GRID2: variants seen among roughly 807,000 people sequenced by gnomAD.
GRID2 encodes the protein glutamate ionotropic receptor delta type subunit 2, also known as glutamate receptor ionotropic, delta-2.
A neutral mutation model predicts 114.8 loss-of-function variants in GRID2; 33 were observed. The observed-to-expected ratio is 0.29, with a 90% CI of 0.22 to 0.38. The LOEUF (loss-of-function observed/expected upper bound fraction) is 0.38. Among genes scored for constraint, GRID2 ranks in the 10% least tolerant of loss-of-function variants. GRID2 has a pLI of 1.00. For synonymous variants in GRID2, 505 were observed against 449.9 expected (o/e 1.12, Z -1.55); for missense variants, 1,184 against 1,257.7 (o/e 0.94, Z 0.89).
At chr4:93,246,663 T>C (rs1270215627) in intron 8 of GRID2, among the ~76,000 whole-genome samples, 1 of 152,090 alleles carries the variant, frequency 6.6e-6, no homozygotes, top group Non-Finnish European at 1.5e-5. Context: ...CTTTTATTTC[T>C]TTATCCCATT....
At chr4:92,511,573 T>A (rs1268337175) in intron 1 of GRID2, among the ~76,000 whole-genome samples, 1 of 151,852 alleles carries the variant, frequency 6.6e-6, no homozygotes, top group African/African-American at 2.4e-5. Context: ...CAAGTGACAT[T>A]TCAAGTATGA....
intron 2 of GRID2, among the ~76,000 whole-genome samples, chr4:92,892,401 A>G (rs1157010179): frequency 6.6e-6 from 1 of 152,048 alleles, no homozygotes; most frequent in East Asian, 1.9e-4. Context: ...TTCATTGTTA[A>G]AAAAAATTGA....
intron 2 of GRID2, among the ~76,000 whole-genome samples, chr4:92,893,024 A>G (rs949667541): frequency 6.6e-6 from 1 of 152,238 alleles, no homozygotes; most frequent in Non-Finnish European, 1.5e-5. Context: ...AATATTAATC[A>G]AAATAACCAA....
intron 4 of GRID2, among the ~76,000 whole-genome samples, chr4:93,181,189 TCTC>T (rs1739862400): frequency 6.6e-6 from 1 of 152,148 alleles, no homozygotes; most frequent in African/African-American, 2.4e-5. Flanking sequence ...ACAACATTAA[TCTC>T]CTTGTACATC....
At chr4:92,448,681 A>AT (rs1462307676) in intron 1 of GRID2, among the ~76,000 whole-genome samples, 1 of 150,862 alleles carries the variant, frequency 6.6e-6, no homozygotes, top group African/African-American at 2.5e-5. Context: ...ATTTATGAAA[A>AT]TTTTATTTTT....
At position 92,740,751 on chromosome 4, in the gene GRID2, G is replaced by C. The variant is rs528437017; in HGVS notation, c.244+150465G>C. On this transcript the variant is annotated intron_variant, in intron 2 of 15. Transcript: ENST00000282020. ...AGATAGATAGATAGATGGATAGATA[G>C]ATAGACAGATAGATAGATAGAGTTT... Among the ~76,000 whole-genome samples the C allele has an allele frequency of 6.8e-5, 10 of 147,388 alleles. No homozygotes were observed. The East Asian group carries it at 1.6e-3, about 23-fold the overall frequency.
At chr4:93,361,078 A>G (rs972720529) in intron 8 of GRID2, among the ~76,000 whole-genome samples, 6 of 152,120 alleles carry the variant, frequency 3.9e-5, no homozygotes, top group African/African-American at 1.4e-4. Context: ...TTTCATTACA[A>G]TAGGTAACAC....
intron 13 of GRID2, among the ~76,000 whole-genome samples, chr4:93,619,733 T>C (rs2149680745): frequency 6.6e-6 from 1 of 152,358 alleles, no homozygotes; most frequent in East Asian, 1.9e-4. Flanking sequence ...TTTTTTCCAA[T>C]GATCTTGAGA....
At chr4:93,478,656 A>G (rs948115780) in intron 11 of GRID2, among the ~76,000 whole-genome samples, 3 of 151,822 alleles carry the variant, frequency 2.0e-5, no homozygotes, top group African/African-American at 7.2e-5. Context: ...TTAAGTATAA[A>G]CATTTTATAT....
rs765583293 is a variant in GRID2 at position 93,772,178 on chromosome 4, T to A, written c.2704T>A (p.Leu902Met). ...ACAGTTTTCCACCTCGTCAATTGATTTGACCCCTCTGGACATTGACACTTT... is the reference window on the plus strand; with the variant it reads ...ACAGTTTTCCACCTCGTCAATTGATATGACCCCTCTGGACATTGACACTTT... ...HKQFSTSSID[L>M]TPLDIDTLPT... The change falls in exon 16 of 16, where the codon TTG (leucine) becomes ATG (methionine). Residue 902 changes from leucine (L) to methionine (M), a missense_variant. Leu to Met is a conservative substitution (Grantham distance 15, BLOSUM62 2). Around this residue, in one of 3 missense-constraint regions of GRID2, gnomAD observed 717 missense variants for 796.9 expected, o/e 0.90. Coordinates refer to ENST00000282020, the MANE Select transcript of GRID2 (RefSeq NM_001510.4). 9 of 1,613,946 alleles carry A rather than the reference T, an allele frequency of 5.6e-6. No individual in the cohort carries two copies. The East Asian group carries it at 2.0e-4, about 36-fold the overall frequency.
intron 2 of GRID2, among the ~76,000 whole-genome samples, chr4:93,076,760 G>A (rs1300916172): frequency 6.6e-6 from 1 of 151,818 alleles, no homozygotes; most frequent in African/African-American, 2.4e-5. Context: ...TGGGATTACA[G>A]GCAGGAGCTA....
At chr4:92,552,347 G>T (rs916964628) in intron 1 of GRID2, among the ~76,000 whole-genome samples, 21 of 152,090 alleles carry the variant, frequency 1.4e-4, no homozygotes, top group Middle Eastern at 3.4e-3. Context: ...ATACTGAAGA[G>T]AAACTATCTT....
At chr4:92,806,311 A>G (rs1417232969) in intron 2 of GRID2, among the ~76,000 whole-genome samples, 1 of 151,730 alleles carries the variant, frequency 6.6e-6, no homozygotes, top group African/African-American at 2.4e-5. Flanking sequence ...TTACACAAAG[A>G]ATTTTTAAAA....
chr4:92,567,793 C>A (rs7681873), intron 1 of GRID2, among the ~76,000 whole-genome samples: 31,901 of 151,872 alleles, frequency 0.21, 3,755 homozygotes, highest in South Asian at 0.29. Context: ...ATCATATAAT[C>A]GTATTTTATC....
At chr4:92,860,167 G>T (rs1578328857) in intron 2 of GRID2, among the ~76,000 whole-genome samples, 1 of 151,948 alleles carries the variant, frequency 6.6e-6, no homozygotes, top group African/African-American at 2.4e-5. Context: ...TTAACAAGTG[G>T]CAAACCTCAG....
At chr4:93,185,651 T>C (rs979639197) in intron 4 of GRID2, among the ~76,000 whole-genome samples, 7 of 152,204 alleles carry the variant, frequency 4.6e-5, no homozygotes, top group African/African-American at 1.4e-4. Context: ...TTTAAACAAA[T>C]TTTAACAAAA....
chr4:93,589,429 C>T (rs1737923008), intron 13 of GRID2, among the ~76,000 whole-genome samples: 1 of 151,896 alleles, frequency 6.6e-6, no homozygotes, highest in East Asian at 1.9e-4. Context: ...ATATGTGCCA[C>T]ATTTTCTTAA....
chr4:93,370,828 G>A (rs1023005007), intron 8 of GRID2, among the ~76,000 whole-genome samples: 3 of 152,044 alleles, frequency 2.0e-5, no homozygotes, highest in African/African-American at 7.3e-5. Flanking sequence ...ACAGAACTGG[G>A]TCTTATCTAT....
At chr4:92,646,204 T>C (rs371446702) in intron 2 of GRID2, among the ~76,000 whole-genome samples, 1 of 5,414 alleles carries the variant, frequency 1.8e-4, no homozygotes. Context: ...GCCATGGAGA[T>C]ACTTTCTTAT....
Sources: gnomAD v4.1 joint callset for allele counts (sites outside exome capture counted in the v4.1 genomes callset) on GRCh38, gnomAD v4.1.1 for gene constraint, gnomAD v4.1.1 regional missense constraint, MANE v1.5 for transcripts, NCBI Gene and HGNC (gene_info 2026-07-23, HGNC 2026-07-21) for gene names.